The following VWF variants were observed in gnomAD, a reference collection of about 807,000 sequenced individuals.
VWF encodes von Willebrand factor.
A neutral mutation model predicts 308.6 loss-of-function variants in VWF; 176 were observed. The ratio of observed to expected loss-of-function variants is 0.57; its 90% confidence interval spans 0.50 to 0.65. The LOEUF (loss-of-function observed/expected upper bound fraction) is 0.65. VWF is among the 30% of genes least tolerant of loss of function. The probability of loss-of-function intolerance (pLI) is 0.00; values close to 1 mark genes in which losing one functional copy is unlikely to be tolerated. For missense variants in VWF, 3,146 were observed against 3,648.2 expected (o/e 0.86, Z 3.55); for synonymous variants, 1,385 against 1,443.4 (o/e 0.96, Z 0.92).
At chr12:5,987,068 T>G (rs1353458784) in intron 38 of VWF, among the ~76,000 whole-genome samples, 1 of 152,072 alleles carries the variant, frequency 6.6e-6, no homozygotes, top group South Asian at 2.1e-4. Context: ...GTTGGGACTA[T>G]AGGCATGTGC....
In VWF at chr12:6,058,091, C is replaced by A. The variant is rs770740794; in HGVS notation, c.1534-47G>T. Reference sequence around the variant, plus strand: ...TCTGGAGCCGCTGCCGCGAAAGCAGCGGCATAGTTGTTTAGCTAATGAGAT... The same window carrying A: ...TCTGGAGCCGCTGCCGCGAAAGCAGAGGCATAGTTGTTTAGCTAATGAGAT... On this transcript the variant is annotated intron_variant, in intron 13 of 51. Coordinates refer to ENST00000261405, the MANE Select transcript of VWF (RefSeq NM_000552.5). This position sits in a 1 kb window ranked among gnomAD's most constrained non-coding sequence, Gnocchi z 4.9. 1 of 1,605,766 alleles carries A rather than the reference C, an allele frequency of 6.2e-7. No individual in the cohort carries two copies. The highest frequency in any genetic ancestry group is 1.1e-5 in the South Asian group (1 of 90,818).
chr12:5,956,036 A>G (rs1943246268), intron 47 of VWF, among the ~76,000 whole-genome samples: 1 of 152,226 alleles, frequency 6.6e-6, no homozygotes, highest in Admixed American at 6.5e-5. Flanking sequence ...ACAATGTTTC[A>G]GTCAACAACA....
In VWF at chr12:6,045,546, G is replaced by A. The variant is rs143852485; in HGVS notation, c.2282-1095C>T. ...ACAGAAGAAGACACAGAAGGATGGA[G>A]TGATCTTGAGGTCACAAGTTCTGGT... On this transcript the variant is annotated intron_variant, in intron 17 of 51. Coordinates refer to ENST00000261405, the MANE Select transcript of VWF (RefSeq NM_000552.5). 3.8e-3 allele frequency among the ~76,000 whole-genome samples: 578 copies of A among 152,358 alleles called. 7 individuals are homozygous for A. The highest frequency in any genetic ancestry group is 0.026 in the South Asian group (126 of 4,830).
At chr12:5,996,396 G>A (rs1423422654) in intron 34 of VWF, among the ~76,000 whole-genome samples, 174 bp from the exon 35 acceptor site, 2 of 152,150 alleles carry the variant, frequency 1.3e-5, no homozygotes, top group East Asian at 3.8e-4. Flanking sequence ...TAGGAAACTG[G>A]GGCTCTGAGA....
At chr12:6,106,517 A>G (rs1191847893) in intron 5 of VWF, among the ~76,000 whole-genome samples, 2 of 152,204 alleles carry the variant, frequency 1.3e-5, no homozygotes, top group African/African-American at 2.4e-5. Flanking sequence ...GATGGTGGTG[A>G]TGGTTGTACA....
intron 13 of VWF, among the ~76,000 whole-genome samples, chr12:6,062,695 C>T (rs762753550): frequency 6.6e-6 from 1 of 152,140 alleles, no homozygotes. Flanking sequence ...CCTTCCCCAG[C>T]CCCACAAGAG....
In VWF at chr12:5,948,910, G is replaced by T; in HGVS notation, c.*105C>A. 1 of 1,329,088 alleles carries T rather than the reference G, an allele frequency of 7.5e-7. No individual in the cohort carries two copies. The highest frequency in any genetic ancestry group is 1.5e-5 in the African/African-American group (1 of 68,704). The allele number at this position is 1,329,088 out of a possible 1,614,324, so 82.3% of individuals were successfully genotyped here. A position where few individuals can be genotyped will look rare whatever the true frequency, so the allele number is the denominator to read the frequency against. ...GATAAGAGCTCAGCCTTTATTGTGG[G>T]CTCAGAAGGGCACAAGAGCAGAACA... On this transcript the variant is annotated 3_prime_UTR_variant, in exon 52 of 52. Transcript: ENST00000261405. This position sits in a 1 kb window ranked among gnomAD's most constrained non-coding sequence, Gnocchi z 4.4.
chr12:6,088,505 G>C (rs536752381), intron 6 of VWF, among the ~76,000 whole-genome samples: 56 of 145,750 alleles, frequency 3.8e-4, no homozygotes, highest in African/African-American at 1.3e-3. Flanking sequence ...GAGAGAGAGA[G>C]AGAGAAAGGG....
chr12:6,052,872 A>AC lies in VWF; in HGVS notation c.1946-90dup. ...GGACTTGCCACCCCTTGTAGCTGTG[A>AC]CCCCCAATTATTTAATTAAAATTTT... On this transcript the variant is annotated intron_variant, in intron 15 of 51. Transcript: ENST00000261405. 6.0e-6 allele frequency: 9 copies of AC among 1,493,044 alleles called. No individual in the cohort carries two copies. The South Asian group carries it at 1.1e-4, about 19-fold the overall frequency. The allele number at this position is 1,493,044 out of a possible 1,614,324, so 92.5% of individuals were successfully genotyped here.
chr12:6,117,842 G>A (rs910523766), intron 3 of VWF, among the ~76,000 whole-genome samples: 3 of 152,192 alleles, frequency 2.0e-5, no homozygotes, highest in African/African-American at 7.2e-5. Flanking sequence ...AGGAATTGGA[G>A]GCTAAGACAG....
chr12:5,977,741 T>C (rs1195041626), intron 42 of VWF, among the ~76,000 whole-genome samples: 4 of 151,590 alleles, frequency 2.6e-5, no homozygotes, highest in African/African-American at 7.3e-5. Context: ...TGTGGTGGCA[T>C]ATGTCTGTAG....
At chr12:6,115,492 G>T (rs538170922) in intron 3 of VWF, among the ~76,000 whole-genome samples, 4 of 152,006 alleles carry the variant, frequency 2.6e-5, no homozygotes, top group Admixed American at 6.6e-5. Flanking sequence ...ACACACACAC[G>T]TTTCATATCA....
intron 18 of VWF, among the ~76,000 whole-genome samples, chr12:6,040,013 T>C (rs964605855): frequency 6.6e-6 from 1 of 152,166 alleles, no homozygotes; most frequent in Admixed American, 6.5e-5. Flanking sequence ...ATTTCCACTA[T>C]ACAACTATGA....
intron 16 of VWF, among the ~76,000 whole-genome samples, chr12:6,047,199 G>A (rs1363765694): frequency 2.6e-5 from 4 of 151,908 alleles, no homozygotes; most frequent in Non-Finnish European, 4.4e-5. Flanking sequence ...TCCTAGGCTC[G>A]CTCCTCTTCT....
chr12:6,092,651 G>C (rs1271323772), intron 6 of VWF, among the ~76,000 whole-genome samples: 1 of 148,980 alleles, frequency 6.7e-6, no homozygotes, highest in Non-Finnish European at 1.5e-5. Flanking sequence ...GTGTGTGTGT[G>C]TGTGTGTGTG....
intron 22 of VWF, among the ~76,000 whole-genome samples, chr12:6,028,844 G>A (rs1307256802): frequency 6.6e-6 from 1 of 152,070 alleles, no homozygotes; most frequent in Admixed American, 6.6e-5. Flanking sequence ...ACGAAGAAAC[G>A]GTATCAATTA....
chr12:6,106,795 A>T (rs1312042842), intron 5 of VWF, among the ~76,000 whole-genome samples: 2 of 150,034 alleles, frequency 1.3e-5, no homozygotes, highest in Non-Finnish European at 3.0e-5. Flanking sequence ...GAATTGCTTC[A>T]GCCCGGGAGG....
At chr12:6,032,586 C>G (rs1411977350) in intron 20 of VWF, among the ~76,000 whole-genome samples, 2 of 151,296 alleles carry the variant, frequency 1.3e-5, no homozygotes, top group African/African-American at 2.4e-5. Flanking sequence ...TGCAGTGAGC[C>G]GAGATCGCAC....
At chr12:5,949,348 C>T in intron 51 of VWF, 145 bp from the exon 52 acceptor site, 1 of 784,776 alleles carries the variant, frequency 1.3e-6, no homozygotes, top group Non-Finnish European at 2.2e-6. Context: ...GACAGCTAGG[C>T]AATTTGTAAA....
Sources: gnomAD v4.1 joint callset for allele counts (sites outside exome capture counted in the v4.1 genomes callset) on GRCh38, gnomAD v4.1.1 for gene constraint, Gnocchi (gnomAD v3.1) non-coding constraint, MANE v1.5 for transcripts, NCBI Gene and HGNC (gene_info 2026-07-23, HGNC 2026-07-21) for gene names.